Variants in NBAS observed in about 807,000 individuals in gnomAD.
The protein encoded by NBAS is NAG/BC035112 fusion.
NBAS carries 219 observed loss-of-function variants against 302.5 expected under a neutral mutation model. The ratio of observed to expected loss-of-function variants is 0.72; its 90% CI spans 0.65 to 0.81. NBAS has a LOEUF of 0.81. Ranked by LOEUF, NBAS falls within the 30% of genes least tolerant of loss-of-function variation. The probability of loss-of-function intolerance (pLI) is 0.00; values close to 1 mark genes in which losing one functional copy is unlikely to be tolerated. For missense variants in NBAS, 2,932 were observed against 2,841.6 expected (o/e 1.03, Z -0.72); for synonymous variants, 1,118 against 1,021.6 (o/e 1.09, Z -1.80).
intron 25 of NBAS, among the ~76,000 whole-genome samples, chr2:15,413,589 G>A (rs576445566): frequency 6.6e-6 from 1 of 152,312 alleles, no homozygotes; most frequent in Non-Finnish European, 1.5e-5. Context: ...AGGGCCATGA[G>A]TGAAACAGAC....
chr2:14,920,045 A>G, the NBAS span, among the ~76,000 whole-genome samples: 8 of 152,208 alleles, frequency 5.3e-5, no homozygotes, highest in Admixed American at 3.3e-4. Flanking sequence ...CCATCAGGGA[A>G]ATCACTATCT....
rs1373850413 is a variant in NBAS at position 15,467,335 on chromosome 2, T to C, written c.2091A>G (p.Thr697=). Residue 697 remains threonine, a synonymous_variant, in exon 19 of 52, where the codon ACA becomes ACG. Coordinates refer to ENST00000281513, the MANE Select transcript of NBAS (RefSeq NM_015909.4). ...KLLTYLDRLA[T]YEEILGVPHA... ...GACAAAAATTATTCATTACCTCATA[T>C]GTTGCAAGTCGATCTAAGTAGGTTA... 6 of 1,610,030 alleles carry C rather than the reference T, an allele frequency of 3.7e-6. No individual in the cohort carries two copies. Among genetic ancestry groups the C allele is most frequent in the South Asian group, 1.1e-5 (1 of 91,004 alleles).
chr2:15,178,963 A>G (rs1664688680), intron 51 of NBAS, 25 bp downstream of exon 51: 2 of 1,610,934 alleles, frequency 1.2e-6, no homozygotes, highest in Non-Finnish European at 8.5e-7. Flanking sequence ...AAAAAAAGAA[A>G]GAAAGTAAAT....
At chr2:15,483,409 A>T (rs749907263) in intron 12 of NBAS, 10 of 396,722 alleles carry the variant, frequency 2.5e-5, no homozygotes, top group Non-Finnish European at 5.2e-5. Context: ...CAATGAAGAC[A>T]TAAGTTTGTA....
In NBAS at chr2:15,487,655, A is replaced by T. The variant is rs1015255518; in HGVS notation, c.1083+1239T>A. 3.3e-5 allele frequency among the ~76,000 whole-genome samples: 5 copies of T among 152,346 alleles called. No individual in the cohort carries two copies. In the East Asian group the frequency reaches 9.6e-4, roughly 29 times the overall value. ...GTCAGCTCTTGAACAGCCAAGTGGA[A>T]GTTCTGCTGCCTGACATCCCCAGCT... On this transcript the variant is annotated intron_variant, in intron 12 of 51. Coordinates refer to ENST00000281513, the MANE Select transcript of NBAS (RefSeq NM_015909.4).
intron 51 of NBAS, among the ~76,000 whole-genome samples, chr2:15,169,901 T>C (rs1055000265): frequency 7.9e-5 from 12 of 152,216 alleles, no homozygotes; most frequent in South Asian, 2.1e-4. Flanking sequence ...AGTTACTGTA[T>C]GTGTTATCTT....
intron 51 of NBAS, among the ~76,000 whole-genome samples, chr2:15,175,088 T>A (rs1379304325): frequency 1.3e-5 from 2 of 152,114 alleles, no homozygotes; most frequent in African/African-American, 4.8e-5. Context: ...TGCCTCAGAC[T>A]CCCGAGTAGC....
At chr2:15,196,720 T>C (rs1397589690) in intron 48 of NBAS, among the ~76,000 whole-genome samples, 2 of 152,340 alleles carry the variant, frequency 1.3e-5, no homozygotes, top group African/African-American at 4.8e-5. Context: ...ATATTTAATA[T>C]AATGTTTACA....
intron 51 of NBAS, among the ~76,000 whole-genome samples, chr2:15,177,549 T>A (rs1008334812): frequency 6.6e-6 from 1 of 152,218 alleles, no homozygotes. Flanking sequence ...GGAAAGGCAC[T>A]GTATAATACA....
At chr2:15,306,613 TAA>T (rs1022291001) in intron 40 of NBAS, among the ~76,000 whole-genome samples, 24 of 152,300 alleles carry the variant, frequency 1.6e-4, no homozygotes, top group African/African-American at 5.5e-4. Context: ...TTTCCTTACA[TAA>T]AATATAAGAC....
At chr2:15,527,367 C>A (rs1023899370) in intron 9 of NBAS, among the ~76,000 whole-genome samples, 4 of 152,142 alleles carry the variant, frequency 2.6e-5, no homozygotes, top group South Asian at 4.1e-4. Context: ...ACTACCATAA[C>A]AAAATACCTG....
chr2:15,308,393 A>T (rs774389958), intron 39 of NBAS, 40 bp from the exon 40 acceptor site: 1 of 1,605,798 alleles, frequency 6.2e-7, no homozygotes, highest in Non-Finnish European at 8.5e-7. Flanking sequence ...GCTGAAAGGA[A>T]ATTATGAAGA....
intron 38 of NBAS, among the ~76,000 whole-genome samples, chr2:15,313,344 C>A (rs1341847000): frequency 6.6e-6 from 1 of 152,124 alleles, no homozygotes; most frequent in African/African-American, 2.4e-5. Flanking sequence ...TGTTTTATAT[C>A]ACTTAGCTCT....
intron 47 of NBAS, among the ~76,000 whole-genome samples, chr2:15,226,526 T>C (rs1667158736): frequency 6.6e-6 from 1 of 152,230 alleles, no homozygotes; most frequent in Admixed American, 6.5e-5. Flanking sequence ...ATTTCTTTTA[T>C]GAAAGAAATT....
chr2:15,319,417 T>C (rs1054382217), intron 38 of NBAS, among the ~76,000 whole-genome samples: 3 of 151,204 alleles, frequency 2.0e-5, no homozygotes, highest in South Asian at 4.2e-4. Context: ...CTGAAGGAGA[T>C]AGAGACACAA....
At chr2:15,050,842 G>A in the NBAS span, among the ~76,000 whole-genome samples, 1 of 152,124 alleles carries the variant, frequency 6.6e-6, no homozygotes, top group African/African-American at 2.4e-5. Flanking sequence ...CAGAAATCAT[G>A]ATGCCTACCA....
At chr2:14,834,618 G>A in the NBAS span, among the ~76,000 whole-genome samples, 12 of 152,122 alleles carry the variant, frequency 7.9e-5, no homozygotes, top group Non-Finnish European at 1.3e-4. Flanking sequence ...CTACAGTAAG[G>A]TTACAAAAGT....
chr2:15,507,925 A>G (rs1359432562), intron 10 of NBAS, among the ~76,000 whole-genome samples: 1 of 152,248 alleles, frequency 6.6e-6, no homozygotes, highest in African/African-American at 2.4e-5. Context: ...GCCTTGAGAG[A>G]GACTACGATG....
chr2:14,821,686 CA>C, the NBAS span, among the ~76,000 whole-genome samples: 3 of 151,858 alleles, frequency 2.0e-5, no homozygotes, highest in Non-Finnish European at 4.4e-5. Flanking sequence ...AGGACTCCAG[CA>C]AAAAAGTCTG....
Sources: gnomAD v4.1 joint callset for allele counts (sites outside exome capture counted in the v4.1 genomes callset) on GRCh38, gnomAD v4.1.1 for gene constraint, MANE v1.5 for transcripts, NCBI Gene and HGNC (gene_info 2026-07-23, HGNC 2026-07-21) for gene names.